The following L3MBTL4 variants were observed in gnomAD, a reference collection of about 807,000 sequenced individuals.
L3MBTL4 encodes L3MBTL histone methyl-lysine binding protein 4.
In L3MBTL4, 70 loss-of-function variants were observed where a neutral mutation model predicts 84.5. The ratio of observed to expected loss-of-function variants is 0.83; its 90% CI spans 0.68 to 1.01. The LOEUF is 1.01. Ranked by LOEUF, L3MBTL4 falls within the 50% of genes least tolerant of loss-of-function variation. The pLI is 0.00. For synonymous variants in L3MBTL4, 274 were observed against 259.8 expected, an observed-to-expected ratio of 1.05 and a Z score of -0.52; for missense variants, 715 against 754.8, an observed-to-expected ratio of 0.95 and a Z score of 0.62.
Position 6,239,743 on chromosome 18 carries a change from T to C in L3MBTL4, c.682A>G (p.Asn228Asp), listed in dbSNP as rs760924065. Reference sequence around the variant, plus strand: ...CAGTAATCGTAACTATCATCCCAGTTGTCAAAATGCACTAGTAAGCGATCT... The same window carrying C: ...CAGTAATCGTAACTATCATCCCAGTCGTCAAAATGCACTAGTAAGCGATCT... Reference protein sequence around the residue: ...VEDRLLVHFDNWDDSYDYWCD... With the variant: ...VEDRLLVHFDDWDDSYDYWCD... The change falls in exon 9 of 19, where the codon AAC becomes GAC. Residue 228 changes from asparagine (N) to aspartate (D), a missense_variant. Asn to Asp is a conservative substitution (Grantham distance 23). Coordinates refer to ENST00000317931, the MANE Select transcript of L3MBTL4 (RefSeq NM_001330559.2). The C allele has an allele frequency of 4.2e-5, 67 of 1,613,888 alleles. No individual in the cohort carries two copies. Among genetic ancestry groups the C allele is most frequent in the Non-Finnish European group, 5.3e-5 (62 of 1,180,014 alleles).
At chr18:5,960,005 T>G (rs1442961678) in intron 18 of L3MBTL4, 89 bp downstream of exon 18, 1 of 296,128 alleles carries the variant, frequency 3.4e-6, no homozygotes, top group Non-Finnish European at 5.4e-6. Flanking sequence ...AGTATAGAAA[T>G]ACATACATAT....
chr18:6,213,200 G>C lies in L3MBTL4; in HGVS notation c.930C>G (p.Pro310=). ...MKLEVVDKRN[P]RLIRVATIVD... is the part of the protein sequence containing the mutation. ...CAATCGTAGCAACACGAATTAACCT[G>C]GGGTTCCGTTTATCCACAACTTCAA... The change falls in exon 12 of 19, where the codon CCC becomes CCG. Residue 310 remains proline (P), a synonymous_variant. Transcript: ENST00000317931. The C allele has an allele frequency of 6.2e-7, 1 of 1,611,372 alleles. No homozygotes were observed. The highest frequency in any genetic ancestry group is 1.1e-5 in the South Asian group (1 of 90,166).
At chr18:6,106,058 G>A (rs750569000) in intron 14 of L3MBTL4, among the ~76,000 whole-genome samples, 2 of 152,010 alleles carry the variant, frequency 1.3e-5, no homozygotes, top group Non-Finnish European at 2.9e-5. Context: ...TGTGAAGTAG[G>A]GACTGTTATT....
At chr18:6,396,979 G>A (rs1051593223) in intron 1 of L3MBTL4, 12 of 152,140 alleles carry the variant, frequency 7.9e-5, no homozygotes, top group African/African-American at 2.7e-4. Context: ...ACAAGTAAAC[G>A]TTTTAAGTGT....
At chr18:6,148,070 T>C (rs1193026833) in intron 13 of L3MBTL4, among the ~76,000 whole-genome samples, 1 of 152,072 alleles carries the variant, frequency 6.6e-6, no homozygotes, top group African/African-American at 2.4e-5. Context: ...TGAGATCTGG[T>C]GTGTATTGGT....
At chr18:6,037,561 T>G (rs2056197220) in intron 16 of L3MBTL4, among the ~76,000 whole-genome samples, 1 of 152,242 alleles carries the variant, frequency 6.6e-6, no homozygotes, top group Non-Finnish European at 1.5e-5. Flanking sequence ...TACATGGAAA[T>G]TTGTGCAGGG....
At chr18:6,086,808 T>G (rs1352322667) in intron 15 of L3MBTL4, among the ~76,000 whole-genome samples, 3 of 152,140 alleles carry the variant, frequency 2.0e-5, no homozygotes, top group African/African-American at 7.2e-5. Context: ...TCCTCTTCCA[T>G]CTCCCCTACC....
intron 14 of L3MBTL4, among the ~76,000 whole-genome samples, chr18:6,119,735 G>T (rs1452102419): frequency 6.6e-6 from 1 of 152,144 alleles, no homozygotes; most frequent in Non-Finnish European, 1.5e-5. Context: ...CAAGGTAAAA[G>T]ACCAGGATTT....
chr18:6,131,410 T>G lies in L3MBTL4; in HGVS notation c.1199+6784A>C, dbSNP rs979862615. On this transcript the variant is annotated intron_variant, in intron 14 of 18. Coordinates refer to ENST00000317931, the MANE Select transcript of L3MBTL4 (RefSeq NM_001330559.2). ...TTCTGTTGTTTTCTTTTATTCTTCT[T>G]TTTCTTAAATATAAGAATATTTGTC... Among the ~76,000 whole-genome samples the G allele has an allele frequency of 2.0e-5, 3 of 152,182 alleles. No homozygotes were observed. The South Asian group carries it at 6.2e-4, about 32-fold the overall frequency.
intron 4 of L3MBTL4, among the ~76,000 whole-genome samples, chr18:6,277,932 T>C (rs2049159745): frequency 6.6e-6 from 1 of 152,130 alleles, no homozygotes; most frequent in Non-Finnish European, 1.5e-5. Flanking sequence ...CATGTGTAAA[T>C]ATGTGTCTTA....
intron 16 of L3MBTL4, among the ~76,000 whole-genome samples, chr18:5,997,339 A>C (rs1361048642): frequency 2.1e-5 from 3 of 142,254 alleles, no homozygotes; most frequent in Non-Finnish European, 4.4e-5. Context: ...AAAGCTACAC[A>C]CCTTCCTCAC....
intron 13 of L3MBTL4, among the ~76,000 whole-genome samples, chr18:6,168,706 C>T (rs1448335757): frequency 6.6e-6 from 1 of 151,952 alleles, no homozygotes; most frequent in Admixed American, 6.6e-5. Context: ...ACATGTTAGA[C>T]CTAAAACCAT....
intron 1 of L3MBTL4, among the ~76,000 whole-genome samples, chr18:6,324,041 C>T (rs1261429499): frequency 1.3e-5 from 2 of 152,230 alleles, no homozygotes; most frequent in Admixed American, 6.5e-5. Context: ...ACTCCAGCTC[C>T]AGCCATGGCT....
intron 1 of L3MBTL4, among the ~76,000 whole-genome samples, chr18:6,355,770 T>A (rs1487107700): frequency 6.6e-6 from 1 of 152,150 alleles, no homozygotes; most frequent in African/African-American, 2.4e-5. Context: ...GAGTAAACAG[T>A]GTGCTAGGTA....
At chr18:6,020,983 G>A (rs1028000553) in intron 16 of L3MBTL4, among the ~76,000 whole-genome samples, 6 of 152,112 alleles carry the variant, frequency 3.9e-5, no homozygotes, top group Non-Finnish European at 5.9e-5. Flanking sequence ...ATTTGAAGTC[G>A]GATAGAGAAA....
intron 1 of L3MBTL4, among the ~76,000 whole-genome samples, chr18:6,318,944 A>G (rs1268724382): frequency 1.3e-5 from 2 of 152,158 alleles, no homozygotes; most frequent in Non-Finnish European, 2.9e-5. Context: ...CCAAGACCAC[A>G]GTAGAATAAA....
intron 16 of L3MBTL4, among the ~76,000 whole-genome samples, chr18:6,057,221 T>C (rs1484503906): frequency 6.6e-6 from 1 of 151,860 alleles, no homozygotes; most frequent in East Asian, 1.9e-4. Context: ...TAGAGATGGG[T>C]TTTTGCCACG....
At chr18:6,219,067 C>T (rs1276097397) in intron 10 of L3MBTL4, among the ~76,000 whole-genome samples, 2 of 152,178 alleles carry the variant, frequency 1.3e-5, no homozygotes, top group Non-Finnish European at 2.9e-5. Flanking sequence ...TACATGAAGT[C>T]AGTTATTCCT....
chr18:6,212,496 T>C (rs934834196), intron 12 of L3MBTL4, among the ~76,000 whole-genome samples: 2 of 152,240 alleles, frequency 1.3e-5, no homozygotes, highest in Admixed American at 1.3e-4. Flanking sequence ...ATTCTACAGA[T>C]GCTTTCAGCT....
Sources: allele counts gnomAD v4.1 joint callset (sites outside exome capture counted in the v4.1 genomes callset), GRCh38; gene constraint gnomAD v4.1.1; transcripts MANE v1.5; gene names NCBI Gene and HGNC (gene_info 2026-07-23, HGNC 2026-07-21).